The following SNTG1 variants were observed in gnomAD, a reference collection of about 807,000 sequenced individuals.
SNTG1 encodes the protein syntrophin gamma 1, also known as gamma-1-syntrophin.
A neutral mutation model predicts 74.7 loss-of-function variants in SNTG1; 39 were observed. That is an observed-to-expected ratio of 0.52 (90% CI 0.40 to 0.68). SNTG1 has a LOEUF of 0.68. SNTG1 is among the 30% of genes least tolerant of loss of function. SNTG1 has a pLI of 0.00. For synonymous variants in SNTG1, 254 were observed against 217.1 expected, an observed-to-expected ratio of 1.17 and a Z score of -1.49; for missense variants, 685 against 609.5, an observed-to-expected ratio of 1.12 and a Z score of -1.30.
Position 50,553,247 on chromosome 8 carries a change from G to T in SNTG1, c.810+68G>T. The T allele has an allele frequency of 5.1e-6, 8 of 1,573,698 alleles. No homozygotes were observed. In the South Asian group the frequency reaches 9.0e-5, roughly 18 times the overall value. ...CTTTATAAAATCCTTCAGTATATAT[G>T]TAACTTCACATCAACTGTTTGGTGT... On this transcript the variant is annotated intron_variant, in intron 12 of 18. Coordinates refer to ENST00000642720, the MANE Select transcript of SNTG1 (RefSeq NM_018967.5).
chr8:50,326,677 T>TG (rs1220775513), intron 2 of SNTG1, among the ~76,000 whole-genome samples: 1 of 151,878 alleles, frequency 6.6e-6, no homozygotes, highest in African/African-American at 2.4e-5. Context: ...CTATTGATTT[T>TG]TTTTTTCATT....
chr8:50,000,273 C>G (rs1451947121), intron 1 of SNTG1, among the ~76,000 whole-genome samples: 6 of 152,022 alleles, frequency 3.9e-5, no homozygotes, highest in Non-Finnish European at 8.8e-5. Context: ...CCATCTCTTT[C>G]TGACTGACAT....
chr8:50,033,419 C>T (rs900156690), intron 1 of SNTG1, among the ~76,000 whole-genome samples: 1 of 152,106 alleles, frequency 6.6e-6, no homozygotes, highest in Non-Finnish European at 1.5e-5. Context: ...CCACTGCGCC[C>T]AGCCAATTTA....
chr8:50,636,654 C>A (rs562291016), intron 13 of SNTG1, among the ~76,000 whole-genome samples: 1 of 152,220 alleles, frequency 6.6e-6, no homozygotes, highest in South Asian at 2.1e-4. Flanking sequence ...GGAGAGGTGG[C>A]ACTTAGTGAA....
chr8:50,467,148 C>T (rs2093614950), intron 8 of SNTG1, among the ~76,000 whole-genome samples: 1 of 151,770 alleles, frequency 6.6e-6, no homozygotes. Flanking sequence ...CTTTTAAAAA[C>T]TTTTGTGGGT....
chr8:50,479,505 C>A (rs906689194), intron 8 of SNTG1, among the ~76,000 whole-genome samples: 63 of 152,240 alleles, frequency 4.1e-4, no homozygotes, highest in African/African-American at 1.5e-3. Context: ...CGGTTTCTTT[C>A]TTTTCCCATT....
chr8:50,562,320 C>A (rs764881358), intron 12 of SNTG1, among the ~76,000 whole-genome samples: 2 of 152,082 alleles, frequency 1.3e-5, no homozygotes, highest in Non-Finnish European at 2.9e-5. Flanking sequence ...GGGAAATTAG[C>A]CTAGATTATC....
At chr8:50,561,281 G>T (rs1343822537) in intron 12 of SNTG1, among the ~76,000 whole-genome samples, 1 of 152,050 alleles carries the variant, frequency 6.6e-6, no homozygotes, top group Non-Finnish European at 1.5e-5. Context: ...GTTTCCTGAG[G>T]CCTCCCCAGC....
At chr8:50,470,484 C>A (rs1049194035) in intron 8 of SNTG1, among the ~76,000 whole-genome samples, 5 of 152,060 alleles carry the variant, frequency 3.3e-5, no homozygotes, top group African/African-American at 1.2e-4. Flanking sequence ...TCATGGTCTT[C>A]CCGACTTCAG....
chr8:50,536,846 T>C (rs899555349), intron 11 of SNTG1, 38 bp downstream of exon 11: 7 of 1,602,578 alleles, frequency 4.4e-6, no homozygotes, highest in Non-Finnish European at 6.0e-6. Context: ...GTTTTGTTTA[T>C]GAAAAAAGAG....
intron 2 of SNTG1, among the ~76,000 whole-genome samples, chr8:50,310,924 T>C (rs2090086813): frequency 6.6e-6 from 1 of 152,174 alleles, no homozygotes; most frequent in Admixed American, 6.5e-5. Flanking sequence ...AGTTAATCTA[T>C]TTCAGCGTTC....
chr8:50,490,854 C>G (rs998324404), intron 8 of SNTG1: 2 of 152,642 alleles, frequency 1.3e-5, no homozygotes, highest in Non-Finnish European at 2.9e-5. Context: ...CTCAGATGCT[C>G]CTGCTCCGCC....
intron 17 of SNTG1, among the ~76,000 whole-genome samples, chr8:50,750,662 C>T (rs774965833): frequency 4.7e-4 from 71 of 152,090 alleles, no homozygotes; most frequent in East Asian, 9.7e-4. Context: ...AAAAGGACTA[C>T]GGCTCACTGA....
chr8:50,370,517 C>A (rs150407926), intron 2 of SNTG1, among the ~76,000 whole-genome samples: 1 of 152,070 alleles, frequency 6.6e-6, no homozygotes, highest in Non-Finnish European at 1.5e-5. Flanking sequence ...GTAGGAGCAG[C>A]GCTCCATTTT....
chr8:50,328,212 C>A (rs546783845), intron 2 of SNTG1, among the ~76,000 whole-genome samples: 2 of 152,232 alleles, frequency 1.3e-5, no homozygotes, highest in East Asian at 1.9e-4. Flanking sequence ...TTTTGCAAGA[C>A]AGGGCTATTG....
intron 13 of SNTG1, among the ~76,000 whole-genome samples, chr8:50,635,431 G>A (rs1585911805): frequency 6.6e-6 from 1 of 152,288 alleles, no homozygotes; most frequent in African/African-American, 2.4e-5. Flanking sequence ...AGGAGCCAGG[G>A]CCTGGAGTCA....
chr8:50,570,671 C>A (rs749674909), intron 12 of SNTG1, among the ~76,000 whole-genome samples: 22 of 151,052 alleles, frequency 1.5e-4, no homozygotes, highest in Non-Finnish European at 4.4e-5. Context: ...GTGGCATGAT[C>A]TCGGATCACT....
At chr8:50,784,837 T>G (rs1006690270) in intron 18 of SNTG1, among the ~76,000 whole-genome samples, 5 of 152,136 alleles carry the variant, frequency 3.3e-5, no homozygotes, top group Admixed American at 2.6e-4. Flanking sequence ...TTAAAATAGT[T>G]AAAATAATAC....
At chr8:50,731,849 A>G (rs975839755) in intron 17 of SNTG1, among the ~76,000 whole-genome samples, 1 of 152,112 alleles carries the variant, frequency 6.6e-6, no homozygotes, top group African/African-American at 2.4e-5. Context: ...TCAGAACTTT[A>G]TAACTTTCAT....
Sources: allele counts gnomAD v4.1 joint callset (sites outside exome capture counted in the v4.1 genomes callset), GRCh38; gene constraint gnomAD v4.1.1; transcripts MANE v1.5; gene names NCBI Gene and HGNC (gene_info 2026-07-23, HGNC 2026-07-21).